The following PLCB1 variants were observed in gnomAD, a reference collection of about 807,000 sequenced individuals.
PLCB1 encodes the protein phospholipase C beta 1, also known as 1-phosphatidylinositol 4,5-bisphosphate phosphodiesterase beta-1.
Under a neutral mutation model 161.8 loss-of-function variants are expected in PLCB1, and 46 were observed. That is an observed-to-expected ratio of 0.28 (90% CI 0.22 to 0.36). The LOEUF is 0.36. Among genes scored for constraint, PLCB1 ranks in the 10% least tolerant of loss-of-function variants. The pLI, the probability that PLCB1 is intolerant of heterozygous loss-of-function variation, is 1.00. For missense variants in PLCB1, 1,016 were observed against 1,472.5 expected (o/e 0.69, Z 5.07); for synonymous variants, 517 against 503.7 (o/e 1.03, Z -0.35).
intron 31 of PLCB1, among the ~76,000 whole-genome samples, chr20:8,831,947 TTTCTTTC>T (rs1458018461): frequency 3.6e-5 from 3 of 84,056 alleles, no homozygotes; most frequent in African/African-American, 1.0e-4. Context: ...TCTTTCTTTC[TTTCTTTC>T]TTTCTTTCTT....
At chr20:8,602,225 T>A (rs1987609501) in intron 3 of PLCB1, among the ~76,000 whole-genome samples, 1 of 152,150 alleles carries the variant, frequency 6.6e-6, no homozygotes, top group Non-Finnish European at 1.5e-5. Context: ...GTTTTTTTTT[T>A]AATCAAAAGC....
At chr20:8,292,992 C>T (rs963426363) in intron 2 of PLCB1, among the ~76,000 whole-genome samples, 1 of 152,080 alleles carries the variant, frequency 6.6e-6, no homozygotes, top group Non-Finnish European at 1.5e-5. Context: ...GAGCTTATCA[C>T]TTTAAAGTGT....
intron 31 of PLCB1, among the ~76,000 whole-genome samples, chr20:8,867,729 A>G (rs1010696988): frequency 6.6e-6 from 1 of 152,156 alleles, no homozygotes; most frequent in Non-Finnish European, 1.5e-5. Context: ...ATATGTTAAA[A>G]TTGCTGAATT....
chr20:8,523,910 G>A (rs1041934200), intron 3 of PLCB1, among the ~76,000 whole-genome samples: 4 of 152,012 alleles, frequency 2.6e-5, no homozygotes, highest in Admixed American at 6.6e-5. Flanking sequence ...CATGGGGAGC[G>A]TGTGTTGTAT....
chr20:8,321,603 C>A (rs960047860), intron 2 of PLCB1, among the ~76,000 whole-genome samples: 1 of 152,092 alleles, frequency 6.6e-6, no homozygotes, highest in Non-Finnish European at 1.5e-5. Flanking sequence ...AGTATTTTAC[C>A]GGTACCCCAT....
intron 31 of PLCB1, among the ~76,000 whole-genome samples, chr20:8,832,745 A>C (rs374281771): frequency 6.6e-6 from 1 of 152,356 alleles, no homozygotes; most frequent in East Asian, 1.9e-4. Flanking sequence ...CTTTCAGCAC[A>C]TGGCTTCCTG....
chr20:8,333,186 C>T (rs961803946), intron 2 of PLCB1, among the ~76,000 whole-genome samples: 4 of 152,202 alleles, frequency 2.6e-5, no homozygotes, highest in African/African-American at 9.6e-5. Context: ...GATTATGGAG[C>T]CAAAGACATT....
At chr20:8,624,132 T>A (rs117340493) in intron 3 of PLCB1, among the ~76,000 whole-genome samples, 4,621 of 152,272 alleles carry the variant, frequency 0.03, 112 homozygotes, top group Admixed American at 0.046. Context: ...ATCACACGAA[T>A]CTCACTTAAG....
At chr20:8,236,491 C>T (rs964411144) in intron 2 of PLCB1, among the ~76,000 whole-genome samples, 2 of 151,960 alleles carry the variant, frequency 1.3e-5, no homozygotes, top group Admixed American at 1.3e-4. Flanking sequence ...TATAATCTCA[C>T]AACTGCACTC....
intron 2 of PLCB1, among the ~76,000 whole-genome samples, chr20:8,296,780 T>C (rs1983650238): frequency 6.6e-6 from 1 of 152,156 alleles, no homozygotes; most frequent in African/African-American, 2.4e-5. Flanking sequence ...GGATGCTTCA[T>C]AAAGTGTGGA....
chr20:8,700,097 T>G (rs1357062472), intron 11 of PLCB1, among the ~76,000 whole-genome samples: 25 of 152,160 alleles, frequency 1.6e-4, no homozygotes, highest in Admixed American at 1.6e-3. Context: ...GTTACCCCCA[T>G]GTGGAACCAG....
At chr20:8,291,115 G>T (rs1339807796) in intron 2 of PLCB1, among the ~76,000 whole-genome samples, 1 of 151,838 alleles carries the variant, frequency 6.6e-6, no homozygotes, top group Non-Finnish European at 1.5e-5. Flanking sequence ...CTGTGTTGCA[G>T]TAATTTTTTG....
intron 2 of PLCB1, among the ~76,000 whole-genome samples, chr20:8,205,139 A>C (rs1321171330): frequency 6.6e-6 from 1 of 152,184 alleles, no homozygotes; most frequent in South Asian, 2.1e-4. Context: ...TAGTTGATTT[A>C]ATGTTGTTAT....
At chr20:8,756,860 T>A (rs1167928194) in intron 23 of PLCB1, among the ~76,000 whole-genome samples, 186 bp from the exon 24 acceptor site, 1 of 152,124 alleles carries the variant, frequency 6.6e-6, no homozygotes, top group African/African-American at 2.4e-5. Flanking sequence ...TTTAATACAA[T>A]TAACCTCCCA....
chr20:8,156,503 C>A (rs186654441), intron 2 of PLCB1, among the ~76,000 whole-genome samples: 1 of 152,166 alleles, frequency 6.6e-6, no homozygotes, highest in South Asian at 2.1e-4. Context: ...AATATAGATG[C>A]CCCCAAATGA....
intron 3 of PLCB1, among the ~76,000 whole-genome samples, chr20:8,619,642 T>G (rs1411392612): frequency 1.3e-5 from 2 of 152,130 alleles, no homozygotes; most frequent in African/African-American, 4.8e-5. Flanking sequence ...GTTAAAGCTT[T>G]GAGAATATGA....
chr20:8,478,737 G>A (rs1038715709), intron 3 of PLCB1, among the ~76,000 whole-genome samples: 1 of 151,976 alleles, frequency 6.6e-6, no homozygotes, highest in Non-Finnish European at 1.5e-5. Flanking sequence ...ATAGATTGTG[G>A]TGCTTTTTTG....
chr20:8,607,206 C>T (rs1348663651), intron 3 of PLCB1, among the ~76,000 whole-genome samples: 1 of 152,210 alleles, frequency 6.6e-6, no homozygotes, highest in Non-Finnish European at 1.5e-5. Context: ...TTCTCTCCAT[C>T]TCCATAGACC....
In PLCB1 at chr20:8,629,813, TTTCTTTTCTTTC is replaced by T. The variant is rs1382022223; in HGVS notation, c.384+1385_384+1396del. On this transcript the variant is annotated intron_variant, in intron 4 of 31. Transcript: ENST00000338037. ...TCCTTTCTTTCTTTTCTTTCTTTTC[TTTCTTTTCTTTC>T]TTTCTTTCTTTCTTTCTTTCTTTCT... Among the ~76,000 whole-genome samples, 167 of 72,896 alleles carry T rather than the reference TTTCTTTTCTTTC, an allele frequency of 2.3e-3. 1 individual carries two copies. Among genetic ancestry groups the T allele is most frequent in the East Asian group, 9.9e-3 (23 of 2,326 alleles). 47.8% of individuals were successfully genotyped at this position (72,896 alleles called of 152,430 possible). A position where few individuals can be genotyped will look rare whatever the true frequency, so the allele number is the denominator to read the frequency against.
Sources: gnomAD v4.1 joint callset for allele counts (sites outside exome capture counted in the v4.1 genomes callset) on GRCh38, gnomAD v4.1.1 for gene constraint, MANE v1.5 for transcripts, NCBI Gene and HGNC (gene_info 2026-07-23, HGNC 2026-07-21) for gene names.